PCM1: variants seen among roughly 807,000 people sequenced by gnomAD.
PCM1 encodes the protein pericentriolar material 1, also known as pericentriolar material 1 protein.
Under a neutral mutation model 241.9 loss-of-function variants are expected in PCM1, and 157 were observed. The observed-to-expected ratio is 0.65, with a 90% CI of 0.57 to 0.74. PCM1 has a LOEUF of 0.74. Among genes scored for constraint, PCM1 ranks in the 30% least tolerant of loss-of-function variants. PCM1 has a pLI of 0.00. For missense variants in PCM1, 3,478 were observed against 2,360.1 expected, an observed-to-expected ratio of 1.47 and a Z score of -9.81; for synonymous variants, 1,085 against 784.9, an observed-to-expected ratio of 1.38 and a Z score of -6.39.
chr8:17,953,357 C>G (rs1220742137), intron 9 of PCM1, among the ~76,000 whole-genome samples, 171 bp downstream of exon 9: 1 of 151,848 alleles, frequency 6.6e-6, no homozygotes, highest in Non-Finnish European at 1.5e-5. Context: ...TATATGAAAG[C>G]CAAATAGGTG....
At chr8:17,977,283 C>T (rs984833245) in intron 23 of PCM1, among the ~76,000 whole-genome samples, 1 of 152,052 alleles carries the variant, frequency 6.6e-6, no homozygotes. Flanking sequence ...CAGTAAATTT[C>T]ATGCAGACTC....
At chr8:17,935,344 G>A (rs478420) in intron 2 of PCM1, among the ~76,000 whole-genome samples, 85,662 of 151,974 alleles carry the variant, frequency 0.56, 24,837 homozygotes, top group Middle Eastern at 0.67. Context: ...CATGCAGACT[G>A]GTGCTCACAA....
chr8:17,989,495 C>G (rs1048341456), intron 26 of PCM1, among the ~76,000 whole-genome samples: 2 of 151,908 alleles, frequency 1.3e-5, no homozygotes, highest in Non-Finnish European at 2.9e-5. Context: ...GTGAGACAAC[C>G]AGGTAGAGTA....
intron 23 of PCM1, among the ~76,000 whole-genome samples, chr8:17,978,960 A>T (rs2079721143): frequency 2.0e-5 from 3 of 152,082 alleles, no homozygotes; most frequent in African/African-American, 7.2e-5. Context: ...TATTCTCATG[A>T]GAATTTGAAG....
chr8:17,985,710 T>C, intron 25 of PCM1, 91 bp downstream of exon 25: 1 of 1,028,686 alleles, frequency 9.7e-7, no homozygotes, highest in South Asian at 1.6e-5. Flanking sequence ...GCATGTGCCA[T>C]ATGAATTTTC....
chr8:18,003,036 T>A (rs941852440), intron 29 of PCM1, among the ~76,000 whole-genome samples: 1 of 152,222 alleles, frequency 6.6e-6, no homozygotes, highest in Non-Finnish European at 1.5e-5. Context: ...TGAACTCAAC[T>A]GTTTGGTCAA....
Position 18,027,621 on chromosome 8 carries a change from T to G in PCM1, c.6050-16T>G. The G allele has an allele frequency of 6.4e-7, 1 of 1,564,738 alleles. No individual in the cohort carries two copies. The highest frequency in any genetic ancestry group is 1.2e-5 in the South Asian group (1 of 84,696). ...TCGATAAGTAATTTATAAAGCATTT[T>G]TATTCTGTTTTTCAGAAACGGTGGG... is the stretch of plus-strand genomic sequence containing the variant. On this transcript the variant is annotated splice_polypyrimidine_tract_variant and intron_variant, in intron 38 of 38. Transcript: ENST00000325083.
At chr8:17,998,271 T>C (rs1255728303) in intron 29 of PCM1, among the ~76,000 whole-genome samples, 5 of 152,108 alleles carry the variant, frequency 3.3e-5, no homozygotes, top group Non-Finnish European at 7.4e-5. Flanking sequence ...TGTCTGGGCA[T>C]TGAAGAGTTA....
chr8:17,941,044 C>G (rs2061867810), intron 6 of PCM1, among the ~76,000 whole-genome samples: 2 of 152,156 alleles, frequency 1.3e-5, no homozygotes, highest in African/African-American at 4.8e-5. Flanking sequence ...CTTCCCGGAC[C>G]TTCCTAATTT....
chr8:18,017,999 G>A (rs891147205), intron 36 of PCM1, among the ~76,000 whole-genome samples: 4 of 152,194 alleles, frequency 2.6e-5, no homozygotes, highest in Non-Finnish European at 4.4e-5. Flanking sequence ...TGGGAGTCAC[G>A]TACAGTGTTG....
rs1258055410 is a variant in PCM1 at position 17,967,088 on chromosome 8, A to T, written c.3330A>T (p.Leu1110Phe). The T allele has an allele frequency of 1.9e-6, 3 of 1,608,600 alleles. No individual in the cohort carries two copies. The highest frequency in any genetic ancestry group is 1.7e-5 in the Admixed American group (1 of 59,230). The change falls in exon 21 of 39, where the codon TTA (leucine) becomes TTT (phenylalanine). Residue 1110 changes from leucine to phenylalanine, a missense_variant. Transcript: ENST00000325083. ...CATCGCACCCTCCTTCTCCCAGTTT[A>T]TTTTGTCCTTTCAGCTTTCCAACAC... is the stretch of plus-strand genomic sequence containing the variant. Reference protein sequence around the residue: ...SSASHPPSPSLFCPFSFPTQP... With the variant: ...SSASHPPSPSFFCPFSFPTQP...
At chr8:18,016,828 C>A (rs2093263984) in intron 36 of PCM1, among the ~76,000 whole-genome samples, 2 of 152,220 alleles carry the variant, frequency 1.3e-5, no homozygotes, top group African/African-American at 2.4e-5. Flanking sequence ...TAGGCTAATG[C>A]TTTGCTTAGT....
At chr8:17,968,756 GTGTGTGTATATATA>G (rs1313195249) in intron 21 of PCM1, among the ~76,000 whole-genome samples, 2 of 130,736 alleles carry the variant, frequency 1.5e-5, no homozygotes, top group African/African-American at 2.8e-5. Flanking sequence ...GTGTGTGTGT[GTGTGTGTATATATA>G]TATATATACA....
At chr8:17,960,631 T>G (rs1381311350) in intron 15 of PCM1, among the ~76,000 whole-genome samples, 187 bp downstream of exon 15, 1 of 149,740 alleles carries the variant, frequency 6.7e-6, no homozygotes, top group Non-Finnish European at 1.5e-5. Context: ...TTCACGCCAT[T>G]CTTCTGCCTC....
chr8:17,957,674 G>A lies in PCM1; in HGVS notation c.1939G>A (p.Asp647Asn), dbSNP rs2069229665. ...SLSSHRSSLV[D>N]EHPEDAEFEQ... ...ATCTAGTCACAGGAGCAGTCTGGTTGATGAGCATCCAGAAGATGCTGAATT... is the reference window on the plus strand; with the variant it reads ...ATCTAGTCACAGGAGCAGTCTGGTTAATGAGCATCCAGAAGATGCTGAATT... Residue 647 changes from aspartate to asparagine, a missense_variant, in exon 13 of 39, where the codon GAT becomes AAT. Asp to Asn is a conservative substitution (Grantham distance 23). Transcript: ENST00000325083. The A allele has an allele frequency of 6.2e-7, 1 of 1,609,724 alleles. No homozygotes were observed. The highest frequency in any genetic ancestry group is 1.3e-5 in the African/African-American group (1 of 74,946).
chr8:18,026,227 A>AG (rs2094197286), intron 38 of PCM1, among the ~76,000 whole-genome samples: 1 of 147,618 alleles, frequency 6.8e-6, no homozygotes, highest in Non-Finnish European at 1.5e-5. Context: ...GGTTTAAGAA[A>AG]GGTACAAAAA....
intron 24 of PCM1, 146 bp from the exon 25 acceptor site, chr8:17,985,301 C>G (rs2082236786): frequency 3.8e-6 from 2 of 529,846 alleles, no homozygotes; most frequent in Non-Finnish European, 3.2e-6. Context: ...TATTAAGCTT[C>G]TTTTCTACTT....
chr8:17,966,239 A>G, intron 19 of PCM1, 21 bp downstream of exon 19: 3 of 1,608,990 alleles, frequency 1.9e-6, no homozygotes, highest in South Asian at 1.1e-5. Flanking sequence ...CTATGAAAGT[A>G]TATTTTTCGT....
At chr8:17,937,470 T>C in intron 4 of PCM1, 91 bp downstream of exon 4, 1 of 1,204,580 alleles carries the variant, frequency 8.3e-7, no homozygotes, top group Non-Finnish European at 1.1e-6. Flanking sequence ...AAAATTGAGC[T>C]GTTTATGTAA....
Sources: gnomAD v4.1 joint callset for allele counts (sites outside exome capture counted in the v4.1 genomes callset) on GRCh38, gnomAD v4.1.1 for gene constraint, MANE v1.5 for transcripts, NCBI Gene and HGNC (gene_info 2026-07-23, HGNC 2026-07-21) for gene names.